PLSCR4: variants seen among roughly 807,000 people sequenced by gnomAD.
PLSCR4 encodes phospholipid scramblase 4.
A neutral mutation model predicts 36.3 loss-of-function variants in PLSCR4; 25 were observed. The ratio of observed to expected loss-of-function variants is 0.69; its 90% confidence interval spans 0.50 to 0.96. The LOEUF is 0.96. Among genes scored for constraint, PLSCR4 ranks in the 40% least tolerant of loss-of-function variants. The pLI is 0.00. For synonymous variants in PLSCR4, 122 were observed against 132.9 expected, an observed-to-expected ratio of 0.92 and a Z score of 0.56; for missense variants, 408 against 414.7, an observed-to-expected ratio of 0.98 and a Z score of 0.14.
chr3:146,230,288 G>C (rs1275905836), intron 1 of PLSCR4, among the ~76,000 whole-genome samples: 1 of 152,050 alleles, frequency 6.6e-6, no homozygotes, highest in Non-Finnish European at 1.5e-5. Context: ...TTCCTTTTTA[G>C]AAAATCAAGA....
At chr3:146,214,446 G>T (rs1265843076) in intron 3 of PLSCR4, among the ~76,000 whole-genome samples, 1 of 150,724 alleles carries the variant, frequency 6.6e-6, no homozygotes, top group Non-Finnish European at 1.5e-5. Flanking sequence ...TTTAATGGAG[G>T]TGTTTATAGC....
At chr3:146,209,972 T>C (rs1260947810) in intron 3 of PLSCR4, among the ~76,000 whole-genome samples, 3 of 152,072 alleles carry the variant, frequency 2.0e-5, no homozygotes, top group South Asian at 2.1e-4. Flanking sequence ...AGTATAGTCG[T>C]CCCTTGATAT....
At chr3:146,228,469 T>A (rs2035566452) in intron 1 of PLSCR4, among the ~76,000 whole-genome samples, 1 of 149,966 alleles carries the variant, frequency 6.7e-6, no homozygotes. Context: ...GTGGAAGGAG[T>A]GGGGAGAAAA....
intron 3 of PLSCR4, among the ~76,000 whole-genome samples, chr3:146,207,443 G>A (rs939393641): frequency 1.3e-5 from 2 of 151,938 alleles, no homozygotes; most frequent in African/African-American, 4.8e-5. Context: ...TGGAGGCTGG[G>A]AAGTTCAAAG....
intron 3 of PLSCR4, among the ~76,000 whole-genome samples, chr3:146,208,368 AG>A (rs1195965377): frequency 1.2e-4 from 19 of 152,272 alleles, no homozygotes; most frequent in African/African-American, 4.1e-4. Context: ...ATATTGGCTT[AG>A]GCAAAGACTT....
chr3:146,228,579 G>A (rs943024226), intron 1 of PLSCR4, among the ~76,000 whole-genome samples: 1 of 152,158 alleles, frequency 6.6e-6, no homozygotes, highest in Non-Finnish European at 1.5e-5. Flanking sequence ...TTTGCTTTCA[G>A]TTCAGGATAG....
In PLSCR4 at chr3:146,243,555, C is replaced by CT. The variant is rs111687449; in HGVS notation, c.-22+7404dup. 4.6e-3 allele frequency among the ~76,000 whole-genome samples: 707 copies of CT among 152,270 alleles called. 1 individual carries two copies. Among genetic ancestry groups the CT allele is most frequent in the Middle Eastern group, 0.01 (3 of 294 alleles). ...ATCTGAAATGCTCAAAAATCCAAAA[C>CT]TTTCAGCACCAACATGATGTCACAA... is the stretch of plus-strand genomic sequence containing the variant. On this transcript the variant is annotated intron_variant, in intron 1 of 8. Coordinates refer to ENST00000354952, the MANE Select transcript of PLSCR4 (RefSeq NM_020353.3).
chr3:146,199,753 C>A lies in PLSCR4; in HGVS notation c.624+60G>T, dbSNP rs949651870. 3 of 1,321,386 alleles carry A rather than the reference C, an allele frequency of 2.3e-6. No individual in the cohort carries two copies. The Admixed American group carries it at 5.4e-5, about 24-fold the overall frequency. 81.9% of individuals were successfully genotyped at this position (1,321,386 alleles called of 1,614,324 possible). ...TCCTCCCTATGTAGTGGAAGGAGCACACTATGCCATGAAGAGTTAGATCAG... is the reference window on the plus strand; with the variant it reads ...TCCTCCCTATGTAGTGGAAGGAGCAAACTATGCCATGAAGAGTTAGATCAG... On this transcript the variant is annotated intron_variant, in intron 6 of 8. Coordinates refer to ENST00000354952, the MANE Select transcript of PLSCR4 (RefSeq NM_020353.3).
intron 1 of PLSCR4, among the ~76,000 whole-genome samples, chr3:146,235,474 A>G (rs2035877813): frequency 2.0e-5 from 3 of 152,244 alleles, no homozygotes; most frequent in African/African-American, 7.2e-5. Flanking sequence ...TGCTTCCTGT[A>G]CAGCTTGTGG....
At chr3:146,222,898 G>A (rs1430277972) in intron 1 of PLSCR4, among the ~76,000 whole-genome samples, 1 of 152,078 alleles carries the variant, frequency 6.6e-6, no homozygotes, top group Non-Finnish European at 1.5e-5. Context: ...GGTTAGGAGT[G>A]TTCAGAGGCA....
intron 1 of PLSCR4, among the ~76,000 whole-genome samples, chr3:146,246,686 C>T (rs996342842): frequency 2.0e-5 from 3 of 151,972 alleles, no homozygotes; most frequent in Admixed American, 6.6e-5. Context: ...TTACCAAGAA[C>T]GCCTCATTGT....
intron 1 of PLSCR4, chr3:146,223,743 G>A (rs1294695365): frequency 6.6e-6 from 1 of 151,436 alleles, no homozygotes; most frequent in African/African-American, 2.4e-5. Flanking sequence ...CTCTGGAGCT[G>A]GAGTTTGTTG....
At chr3:146,230,610 T>C (rs564647411) in intron 1 of PLSCR4, among the ~76,000 whole-genome samples, 124 of 152,038 alleles carry the variant, frequency 8.2e-4, no homozygotes, top group African/African-American at 2.9e-3. Flanking sequence ...CATGTTGCTG[T>C]GTAACAGAGA....
At chr3:146,231,705 G>A (rs1012813488) in intron 1 of PLSCR4, among the ~76,000 whole-genome samples, 1 of 151,956 alleles carries the variant, frequency 6.6e-6, no homozygotes, top group Non-Finnish European at 1.5e-5. Flanking sequence ...TTTTAATGGG[G>A]TTGTTTTTCA....
At chr3:146,198,146 A>G (rs2108209747) in intron 6 of PLSCR4, among the ~76,000 whole-genome samples, 1 of 152,232 alleles carries the variant, frequency 6.6e-6, no homozygotes, top group South Asian at 2.1e-4. Flanking sequence ...AACATAGAGA[A>G]CAGATTAGTG....
chr3:146,226,222 C>G (rs189426706), intron 1 of PLSCR4, among the ~76,000 whole-genome samples: 1 of 152,258 alleles, frequency 6.6e-6, no homozygotes, highest in African/African-American at 2.4e-5. Context: ...AGGCTAATGT[C>G]TTGTCATTAG....
At chr3:146,236,895 T>C (rs1044935559) in intron 1 of PLSCR4, among the ~76,000 whole-genome samples, 2 of 152,122 alleles carry the variant, frequency 1.3e-5, no homozygotes, top group African/African-American at 4.8e-5. Flanking sequence ...ATACCATGTA[T>C]ACACTAATAA....
intron 1 of PLSCR4, among the ~76,000 whole-genome samples, chr3:146,248,483 C>T (rs1422848378): frequency 6.6e-6 from 1 of 151,016 alleles, no homozygotes; most frequent in Admixed American, 6.6e-5. Context: ...ACACTACACA[C>T]ACACAGACAC....
chr3:146,235,999 G>A (rs190311919), intron 1 of PLSCR4, among the ~76,000 whole-genome samples: 96 of 152,214 alleles, frequency 6.3e-4, no homozygotes, highest in Middle Eastern at 3.4e-3. Context: ...GTGCTCATAC[G>A]TGTGAGCAAA....
Sources: gnomAD v4.1 joint callset for allele counts (sites outside exome capture counted in the v4.1 genomes callset) on GRCh38, gnomAD v4.1.1 for gene constraint, MANE v1.5 for transcripts, NCBI Gene and HGNC (gene_info 2026-07-23, HGNC 2026-07-21) for gene names.